The following RBX1 variants were observed in gnomAD, a reference collection of about 807,000 sequenced individuals.
RBX1 encodes ring-box 1.
For synonymous variants in RBX1, 48 were observed against 47.9 expected, an observed-to-expected ratio of 1.00 and a Z score of -0.01; for missense variants, 46 against 141.4, an observed-to-expected ratio of 0.33 and a Z score of 3.42.
At chr22:40,970,638 C>T (rs1331236025) in intron 4 of RBX1, among the ~76,000 whole-genome samples, 2 of 151,978 alleles carry the variant, frequency 1.3e-5, no homozygotes, top group Non-Finnish European at 2.9e-5. Context: ...TCTTCCTGCA[C>T]GTTGCTTTAT....
At chr22:40,952,022 G>A (rs374474394) in intron 1 of RBX1, among the ~76,000 whole-genome samples, 1 of 152,072 alleles carries the variant, frequency 6.6e-6, no homozygotes, top group Admixed American at 6.5e-5. Flanking sequence ...GCCTCACACT[G>A]CCTGGTTAGA....
At chr22:40,956,976 A>G (rs1359867429) in intron 2 of RBX1, among the ~76,000 whole-genome samples, 1 of 151,974 alleles carries the variant, frequency 6.6e-6, no homozygotes, top group Admixed American at 6.6e-5. Context: ...CGGAGGTTGC[A>G]GTGAGCTGAG....
chr22:40,962,973 G>A (rs1191312475), intron 2 of RBX1, among the ~76,000 whole-genome samples: 2 of 151,368 alleles, frequency 1.3e-5, no homozygotes, highest in Non-Finnish European at 2.9e-5. Flanking sequence ...TGAGATTACA[G>A]GAGTGAGCCA....
At chr22:40,965,422 G>GTTTT (rs569236928) in intron 3 of RBX1, among the ~76,000 whole-genome samples, 1 of 139,034 alleles carries the variant, frequency 7.2e-6, no homozygotes, top group Non-Finnish European at 1.6e-5. Context: ...CTGGTTTTTT[G>GTTTT]TTTTTTTTTT....
Position 40,951,428 on chromosome 22 carries a change from GAGCGGCACCAAC to G in RBX1, c.37_48del (p.Thr13_Gly16del), listed in dbSNP as rs1206365530. ...CGGCAGCGATGGATGTGGATACCCC[GAGCGGCACCAAC>G]AGCGGCGCGGGCAAGAAGCGCTTTG... On this transcript the variant is annotated inframe_deletion, in exon 1 of 5. Coordinates refer to ENST00000216225, the MANE Select transcript of RBX1 (RefSeq NM_014248.4). 1 of 1,613,618 alleles carries G rather than the reference GAGCGGCACCAAC, an allele frequency of 6.2e-7. No individual in the cohort carries two copies. Among genetic ancestry groups the G allele is most frequent in the South Asian group, 1.1e-5 (1 of 91,070 alleles).
chr22:40,962,027 G>A (rs1316953906), intron 2 of RBX1, among the ~76,000 whole-genome samples: 2 of 151,874 alleles, frequency 1.3e-5, no homozygotes, highest in African/African-American at 2.4e-5. Context: ...CAAGTGATCC[G>A]TCACCCTCGT....
In RBX1 at chr22:40,971,713, C is replaced by T. The variant is rs1369708117; in HGVS notation, c.315-763C>T. 4.6e-5 allele frequency among the ~76,000 whole-genome samples: 7 copies of T among 152,124 alleles called. 1 individual carries two copies. Among genetic ancestry groups the T allele is most frequent in the South Asian group, 2.1e-4 (1 of 4,818 alleles). On this transcript the variant is annotated intron_variant, in intron 4 of 4. Coordinates refer to ENST00000216225, the MANE Select transcript of RBX1 (RefSeq NM_014248.4). ...CTGGGATTACAGGCACCTGCCACCA[C>T]GCCCAGCTAATTTTTGTATTTTTAG...
intron 4 of RBX1, among the ~76,000 whole-genome samples, chr22:40,968,289 C>T (rs1278191926): frequency 6.6e-6 from 1 of 151,954 alleles, no homozygotes; most frequent in African/African-American, 2.4e-5. Context: ...TTGGGTTTCA[C>T]CATGTTGGCC....
At chr22:40,953,494 C>CT in intron 1 of RBX1, 61 bp from the exon 2 acceptor site, 2 of 1,147,020 alleles carry the variant, frequency 1.7e-6, no homozygotes, top group East Asian at 4.8e-5. Context: ...GCCTGAGGTC[C>CT]TAAAGAGTAT....
At chr22:40,961,783 T>TTC (rs1489923930) in intron 2 of RBX1, among the ~76,000 whole-genome samples, 3 of 148,382 alleles carry the variant, frequency 2.0e-5, no homozygotes, top group African/African-American at 7.9e-5. Context: ...GTGCTTTGCT[T>TTC]TCTCTGTGTG....
chr22:40,966,089 G>A (rs1308409155), intron 3 of RBX1: 1 of 152,106 alleles, frequency 6.6e-6, no homozygotes, highest in Non-Finnish European at 1.5e-5. Flanking sequence ...CAAGTCACTT[G>A]TCTGGGTTTC....
At chr22:40,961,059 C>A (rs908990285) in intron 2 of RBX1, among the ~76,000 whole-genome samples, 1 of 147,484 alleles carries the variant, frequency 6.8e-6, no homozygotes, top group Non-Finnish European at 1.5e-5. Context: ...CCACCACGCC[C>A]GGCCGAGCCA....
chr22:40,959,717 G>A (rs974548707), intron 2 of RBX1, among the ~76,000 whole-genome samples: 3 of 152,180 alleles, frequency 2.0e-5, no homozygotes, highest in East Asian at 1.9e-4. Flanking sequence ...AGGCTGAGGC[G>A]GGAGAATCAC....
chr22:40,952,403 A>G (rs1214384838), intron 1 of RBX1, among the ~76,000 whole-genome samples: 1 of 152,198 alleles, frequency 6.6e-6, no homozygotes, highest in Non-Finnish European at 1.5e-5. Context: ...CACTGACAAT[A>G]TCCCCCGTCC....
In RBX1 at chr22:40,961,018, C is replaced by G. The variant is rs1345147809; in HGVS notation, c.158-3029C>G. ...ACCTCAGATGATCTGCCTGCCTCGA[C>G]TTCCCAAAGTGCTGGGATTACAGAC... On this transcript the variant is annotated intron_variant, in intron 2 of 4. Coordinates refer to ENST00000216225, the MANE Select transcript of RBX1 (RefSeq NM_014248.4). Among the ~76,000 whole-genome samples the G allele has an allele frequency of 4.0e-5, 6 of 151,674 alleles. 1 individual carries two copies. The highest frequency in any genetic ancestry group is 1.5e-5 in the Non-Finnish European group (1 of 67,966).
At chr22:40,959,926 G>A (rs993560705) in intron 2 of RBX1, among the ~76,000 whole-genome samples, 2 of 152,188 alleles carry the variant, frequency 1.3e-5, no homozygotes, top group African/African-American at 4.8e-5. Flanking sequence ...AGACCAGCCT[G>A]GCCAACATGG....
chr22:40,959,789 G>A (rs572153623), intron 2 of RBX1, among the ~76,000 whole-genome samples: 8 of 152,054 alleles, frequency 5.3e-5, no homozygotes, highest in African/African-American at 1.9e-4. Context: ...CCGGCCTGGG[G>A]GGACAAAGCT....
rs1397960554 is a variant in RBX1 at position 40,953,545 on chromosome 22, G to A, written c.79-10G>A. The A allele has an allele frequency of 6.3e-6, 10 of 1,597,028 alleles. No individual in the cohort carries two copies. The highest frequency in any genetic ancestry group is 8.6e-6 in the Non-Finnish European group (10 of 1,165,518). Reference sequence around the variant, plus strand: ...GCAGAATGCACTGTTCCCTCTTTTTGTCTTTGCAGTGGAATGCAGTAGCCC... The same window carrying A: ...GCAGAATGCACTGTTCCCTCTTTTTATCTTTGCAGTGGAATGCAGTAGCCC... On this transcript the variant is annotated splice_polypyrimidine_tract_variant and intron_variant, in intron 1 of 4. Coordinates refer to ENST00000216225, the MANE Select transcript of RBX1 (RefSeq NM_014248.4).
chr22:40,952,561 G>A (rs1402017619), intron 1 of RBX1, among the ~76,000 whole-genome samples: 2 of 152,334 alleles, frequency 1.3e-5, no homozygotes, highest in Admixed American at 6.5e-5. Context: ...TGAGAATGGG[G>A]TTTGAAAGCG....
Sources: allele counts gnomAD v4.1 joint callset (sites outside exome capture counted in the v4.1 genomes callset), GRCh38; gene constraint gnomAD v4.1.1; transcripts MANE v1.5; gene names NCBI Gene and HGNC (gene_info 2026-07-23, HGNC 2026-07-21).